Variants in ZSWIM6 observed in about 807,000 individuals in gnomAD.
ZSWIM6 encodes the protein zinc finger SWIM-type containing 6, also known as zinc finger SWIM domain-containing protein 6.
A neutral mutation model predicts 113.2 loss-of-function variants in ZSWIM6; 9 were observed. That is an observed-to-expected ratio of 0.08 (90% confidence interval 0.05 to 0.14). The LOEUF is 0.14. ZSWIM6 is among the 10% of genes least tolerant of loss of function. The pLI is 1.00. For synonymous variants in ZSWIM6, 611 were observed against 606.5 expected (o/e 1.01, Z -0.11); for missense variants, 1,162 against 1,552.2 (o/e 0.75, Z 4.22).
At chr5:61,362,051 G>A (rs914938135) in intron 1 of ZSWIM6, among the ~76,000 whole-genome samples, 4 of 152,138 alleles carry the variant, frequency 2.6e-5, no homozygotes, top group Admixed American at 2.6e-4. Flanking sequence ...AATATCAAGC[G>A]AGTATTCTTA....
At chr5:61,532,614 A>T (rs1388406715) in intron 9 of ZSWIM6, among the ~76,000 whole-genome samples, 1 of 152,220 alleles carries the variant, frequency 6.6e-6, no homozygotes, top group African/African-American at 2.4e-5. Context: ...AAAGCAAAAG[A>T]TCTACTTAAA....
chr5:61,378,350 T>C (rs1579963105), intron 1 of ZSWIM6, among the ~76,000 whole-genome samples: 1 of 152,160 alleles, frequency 6.6e-6, no homozygotes, highest in Admixed American at 6.5e-5. Flanking sequence ...GATGTAGATA[T>C]TAAATGGGGA....
At chr5:61,390,877 CT>C in intron 1 of ZSWIM6, 1 of 893,730 alleles carries the variant, frequency 1.1e-6, no homozygotes, top group Non-Finnish European at 1.9e-6. Flanking sequence ...ACCACACAGT[CT>C]TTCAGCATGA....
chr5:61,333,009 G>GGGGGGCC, intron 1 of ZSWIM6, 61 bp downstream of exon 1: 1 of 439,902 alleles, frequency 2.3e-6, no homozygotes, highest in Non-Finnish European at 3.2e-6. Flanking sequence ...TGGGGGGGGG[G>GGGGGGCC]TGCCCGCCTT....
intron 1 of ZSWIM6, among the ~76,000 whole-genome samples, chr5:61,363,452 C>G (rs1048139618): frequency 6.6e-6 from 1 of 152,182 alleles, no homozygotes; most frequent in Non-Finnish European, 1.5e-5. Context: ...CTGCTGAGTT[C>G]ACAAAAGGCT....
chr5:61,478,030 A>G (rs997332301), intron 2 of ZSWIM6, among the ~76,000 whole-genome samples: 5 of 152,034 alleles, frequency 3.3e-5, no homozygotes, highest in African/African-American at 1.2e-4. Context: ...GGTTGTGTTT[A>G]TTGTAATTGG....
intron 1 of ZSWIM6, among the ~76,000 whole-genome samples, chr5:61,334,664 A>G (rs1487855167): frequency 6.6e-6 from 1 of 151,964 alleles, no homozygotes; most frequent in Non-Finnish European, 1.5e-5. Flanking sequence ...TGCCTTTTCT[A>G]TGTTGGGCAC....
intron 1 of ZSWIM6, chr5:61,375,851 C>T (rs1049196338): frequency 3.4e-5 from 33 of 983,390 alleles, no homozygotes; most frequent in African/African-American, 1.8e-4. Context: ...CCTGACTCAC[C>T]GTAACATTAA....
intron 1 of ZSWIM6, among the ~76,000 whole-genome samples, chr5:61,461,766 T>G (rs970117314): frequency 1.3e-5 from 2 of 152,096 alleles, no homozygotes; most frequent in African/African-American, 2.4e-5. Context: ...TATGTGTTCA[T>G]TGTAGAAATT....
At chr5:61,482,342 C>T (rs1747890881) in intron 2 of ZSWIM6, among the ~76,000 whole-genome samples, 1 of 149,996 alleles carries the variant, frequency 6.7e-6, no homozygotes, top group Non-Finnish European at 1.5e-5. Flanking sequence ...ACACCGGGGC[C>T]TGTTGGGGAG....
intron 2 of ZSWIM6, among the ~76,000 whole-genome samples, chr5:61,482,030 G>A (rs966975460): frequency 3.3e-5 from 5 of 152,126 alleles, no homozygotes; most frequent in Non-Finnish European, 7.4e-5. Flanking sequence ...CTGCCCAACG[G>A]TGGGAATATC....
intron 4 of ZSWIM6, among the ~76,000 whole-genome samples, chr5:61,496,421 G>T (rs1748316205): frequency 6.6e-6 from 1 of 152,144 alleles, no homozygotes; most frequent in Non-Finnish European, 1.5e-5. Flanking sequence ...TTAACTGAAA[G>T]TTGCTTCTGG....
intron 1 of ZSWIM6, among the ~76,000 whole-genome samples, chr5:61,447,984 G>T (rs376832491): frequency 2.0e-5 from 3 of 152,322 alleles, no homozygotes; most frequent in East Asian, 3.9e-4. Context: ...TTAGGCAATT[G>T]TGATGGGTGA....
chr5:61,392,753 C>T (rs1745750009), intron 1 of ZSWIM6, among the ~76,000 whole-genome samples: 1 of 151,828 alleles, frequency 6.6e-6, no homozygotes, highest in African/African-American at 2.4e-5. Context: ...GCCGGGATTA[C>T]AGGCATCCGT....
intron 1 of ZSWIM6, among the ~76,000 whole-genome samples, chr5:61,411,984 C>T (rs1746156822): frequency 1.3e-5 from 2 of 152,090 alleles, no homozygotes; most frequent in South Asian, 2.1e-4. Context: ...CTGCTAATAC[C>T]GATCAAATAA....
chr5:61,493,830 T>C (rs889865829), intron 3 of ZSWIM6, among the ~76,000 whole-genome samples: 43 of 152,098 alleles, frequency 2.8e-4, no homozygotes, highest in Admixed American at 3.3e-4. Flanking sequence ...AATCACAAAG[T>C]GTACTTGGTT....
At chr5:61,457,786 G>A (rs950098366) in intron 1 of ZSWIM6, among the ~76,000 whole-genome samples, 2 of 152,092 alleles carry the variant, frequency 1.3e-5, no homozygotes, top group African/African-American at 4.8e-5. Flanking sequence ...GCCTCCTAAA[G>A]TGCTGGGATT....
intron 1 of ZSWIM6, among the ~76,000 whole-genome samples, chr5:61,385,957 T>G (rs1745584844): frequency 6.6e-6 from 1 of 152,128 alleles, no homozygotes; most frequent in Admixed American, 6.6e-5. Context: ...TAGCCACACT[T>G]CTTGAGGTGG....
At chr5:61,375,883 A>G (rs1745365591) in intron 1 of ZSWIM6, 1 of 947,616 alleles carries the variant, frequency 1.1e-6, no homozygotes, top group Admixed American at 2.3e-5. Flanking sequence ...ATTCCCTTAT[A>G]AAGAAAGTGC....
Sources: allele counts gnomAD v4.1 joint callset (sites outside exome capture counted in the v4.1 genomes callset), GRCh38; gene constraint gnomAD v4.1.1; transcripts MANE v1.5; gene names NCBI Gene and HGNC (gene_info 2026-07-23, HGNC 2026-07-21).